THADA: variants seen among roughly 807,000 people sequenced by gnomAD.
THADA encodes the protein tRNA (32-2'-O)-methyltransferase regulator THADA.
THADA carries 213 observed loss-of-function variants against 219.8 expected under a neutral mutation model. The observed-to-expected ratio is 0.97, with a 90% CI of 0.87 to 1.09. The LOEUF (loss-of-function observed/expected upper bound fraction) is 1.09. Ranked by LOEUF, THADA falls within the 50% of genes least tolerant of loss-of-function variation. THADA has a pLI of 0.00. For synonymous variants in THADA, 1,018 were observed against 828.9 expected, an observed-to-expected ratio of 1.23 and a Z score of -3.92; for missense variants, 2,956 against 2,311.3, an observed-to-expected ratio of 1.28 and a Z score of -5.72.
intron 28 of THADA, among the ~76,000 whole-genome samples, chr2:43,407,460 T>G (rs990239065): frequency 5.9e-5 from 9 of 152,206 alleles, no homozygotes; most frequent in Admixed American, 1.3e-4. Flanking sequence ...GTATTCAAAG[T>G]ACTCTAATTC....
chr2:43,322,505 A>C lies in THADA; in HGVS notation c.4344-1965T>G, dbSNP rs180998341. Among the ~76,000 whole-genome samples the C allele has an allele frequency of 1.5e-3, 221 of 151,240 alleles. 3 individuals carry two copies. Among genetic ancestry groups the C allele is most frequent in the Admixed American group, 0.012 (180 of 15,176 alleles). ...GGTGACAGAGTGAGACTCTGTCTCA[A>C]AAATAAATAAATAAATAGGTAACAC... On this transcript the variant is annotated intron_variant, in intron 30 of 37. Coordinates refer to ENST00000405975, the MANE Select transcript of THADA (RefSeq NM_022065.5).
intron 26 of THADA, among the ~76,000 whole-genome samples, chr2:43,456,714 C>T (rs1225976871): frequency 6.6e-6 from 1 of 152,118 alleles, no homozygotes; most frequent in Non-Finnish European, 1.5e-5. Context: ...AAATTACACA[C>T]ACATTGTTCT....
intron 26 of THADA, among the ~76,000 whole-genome samples, chr2:43,452,438 GTAAA>G (rs1003559527): frequency 1.3e-5 from 2 of 152,076 alleles, no homozygotes; most frequent in African/African-American, 4.8e-5. Flanking sequence ...CAGCTTGGAG[GTAAA>G]TACAGAACTA....
chr2:43,407,496 A>G (rs1675711462), intron 28 of THADA, among the ~76,000 whole-genome samples: 1 of 152,206 alleles, frequency 6.6e-6, no homozygotes, highest in African/African-American at 2.4e-5. Flanking sequence ...TGCACAAATC[A>G]TAGGTGCTGA....
intron 29 of THADA, among the ~76,000 whole-genome samples, chr2:43,384,011 C>A (rs1197802677): frequency 6.6e-6 from 1 of 152,092 alleles, no homozygotes; most frequent in Admixed American, 6.5e-5. Context: ...CAGGCTACCC[C>A]CCTACCCCAG....
At chr2:43,284,450 T>C (rs1202844792) in intron 35 of THADA, among the ~76,000 whole-genome samples, 3 of 152,148 alleles carry the variant, frequency 2.0e-5, no homozygotes, top group Non-Finnish European at 4.4e-5. Context: ...CCCCAAGCCT[T>C]GGTGGCTTTC....
At chr2:43,573,038 A>G in intron 11 of THADA, 46 bp from the exon 12 acceptor site, 3 of 1,393,458 alleles carry the variant, frequency 2.2e-6, no homozygotes, top group African/African-American at 2.9e-5. Flanking sequence ...TGCAATGACT[A>G]CTATAATTAT....
intron 22 of THADA, 21 bp downstream of exon 22, chr2:43,527,858 A>G: frequency 6.6e-7 from 1 of 1,523,340 alleles, no homozygotes; most frequent in Non-Finnish European, 9.1e-7. Flanking sequence ...TAAAACGTAC[A>G]CAAAAGGATA....
At chr2:43,544,181 G>A (rs1403711282) in intron 20 of THADA, among the ~76,000 whole-genome samples, 1 of 152,178 alleles carries the variant, frequency 6.6e-6, no homozygotes, top group African/African-American at 2.4e-5. Context: ...TCAGGTAGTT[G>A]TAGATAAGAG....
chr2:43,484,669 A>T (rs1236743444), intron 26 of THADA, among the ~76,000 whole-genome samples: 1 of 152,146 alleles, frequency 6.6e-6, no homozygotes, highest in African/African-American at 2.4e-5. Context: ...GGCATAACAA[A>T]AAAGCTGTTT....
chr2:43,556,383 T>C lies in THADA; in HGVS notation c.2636A>G (p.Asp879Gly). 6.2e-7 allele frequency: 1 copy of C among 1,613,884 alleles called. No individual in the cohort carries two copies. Among genetic ancestry groups the C allele is most frequent in the Non-Finnish European group, 8.5e-7 (1 of 1,179,822 alleles). Residue 879 changes from aspartate (D) to glycine (G), a missense_variant, in exon 17 of 38, where the codon GAT (aspartate) becomes GGT (glycine). Physicochemically the swap from Asp to Gly is moderately conservative, Grantham distance 94. Coordinates refer to ENST00000405975, the MANE Select transcript of THADA (RefSeq NM_022065.5). ...CCTTTCCACCACAGCAGCAGGCCTA[T>C]CTCCATTATCACATGCAACTTGCTG... ...LTQQVACDNG[D>G]RPAAVVERNT...
chr2:43,345,862 A>C (rs1041366737), intron 29 of THADA, among the ~76,000 whole-genome samples: 1 of 152,242 alleles, frequency 6.6e-6, no homozygotes, highest in African/African-American at 2.4e-5. Context: ...AGAAGCAATC[A>C]CTTCAAAAAT....
chr2:43,508,674 T>C lies in THADA; in HGVS notation c.3481A>G (p.Ser1161Gly). The C allele has an allele frequency of 1.9e-6, 3 of 1,613,648 alleles. No homozygotes were observed. The highest frequency in any genetic ancestry group is 2.5e-6 in the Non-Finnish European group (3 of 1,179,676). ...PSSKLCATRR[S>G]AGIPFYIQAL... is the part of the protein sequence containing the mutation. ...TGTATGTAGAAAGGAATTCCAGCAC[T>C]GCGCCTTGTAGCACAGAGTTTAGAT... The change falls in exon 23 of 38, where the codon AGT becomes GGT. Residue 1161 changes from serine (S) to glycine (G), a missense_variant. Coordinates refer to ENST00000405975, the MANE Select transcript of THADA (RefSeq NM_022065.5).
In THADA at chr2:43,402,620, C is replaced by A. The variant is rs148049833; in HGVS notation, c.4059-4481G>T. ...AAAACTGTCTCTGCCCACACACATC[C>A]GTAGGGACATCTACTGAGTACCTAG... is the stretch of plus-strand genomic sequence containing the variant. On this transcript the variant is annotated intron_variant, in intron 28 of 37. Coordinates refer to ENST00000405975, the MANE Select transcript of THADA (RefSeq NM_022065.5). 1.3e-4 allele frequency among the ~76,000 whole-genome samples: 20 copies of A among 152,152 alleles called. 1 individual carries two copies. Among genetic ancestry groups the A allele is most frequent in the African/African-American group, 4.3e-4 (18 of 41,438 alleles).
intron 29 of THADA, among the ~76,000 whole-genome samples, chr2:43,369,487 C>T (rs1204862738): frequency 6.6e-6 from 1 of 152,196 alleles, no homozygotes; most frequent in African/African-American, 2.4e-5. Context: ...TCCTTTAGAT[C>T]TAAAAACAAT....
At chr2:43,509,771 A>G (rs1690159205) in intron 22 of THADA, among the ~76,000 whole-genome samples, 2 of 152,228 alleles carry the variant, frequency 1.3e-5, no homozygotes, top group Non-Finnish European at 2.9e-5. Flanking sequence ...AGACTACTTT[A>G]AAGGAGGCAT....
intron 26 of THADA, 69 bp downstream of exon 26, chr2:43,485,165 A>G (rs745619878): frequency 3.0e-5 from 37 of 1,220,888 alleles, no homozygotes; most frequent in Non-Finnish European, 4.3e-5. Context: ...ACAATTTCAA[A>G]ATTTGTTTTT....
At chr2:43,592,194 A>G in intron 2 of THADA, 123 bp downstream of exon 2, 1 of 981,262 alleles carries the variant, frequency 1.0e-6, no homozygotes, top group Non-Finnish European at 1.5e-6. Flanking sequence ...AAATTGTTTT[A>G]CATCCAAAAC....
chr2:43,282,162 G>C (rs1293925728), intron 35 of THADA, among the ~76,000 whole-genome samples: 1 of 152,170 alleles, frequency 6.6e-6, no homozygotes, highest in Admixed American at 6.5e-5. Context: ...GGTTTGAGTA[G>C]TTAAAGTCAC....
Sources: allele counts gnomAD v4.1 joint callset (sites outside exome capture counted in the v4.1 genomes callset), GRCh38; gene constraint gnomAD v4.1.1; transcripts MANE v1.5; gene names NCBI Gene and HGNC (gene_info 2026-07-23, HGNC 2026-07-21).